HEMK2: variants seen among roughly 807,000 people sequenced by gnomAD.
The protein encoded by HEMK2 is HemK methyltransferase 2, ETF1 glutamine and histone H4 lysine.
chr21:28,797,704 T>G, the HEMK2 span, among the ~76,000 whole-genome samples: 1 of 152,110 alleles, frequency 6.6e-6, no homozygotes, highest in East Asian at 1.9e-4. Context: ...TGACAGCTAT[T>G]AGGCTGAAAT....
chr21:28,864,953 A>C, the HEMK2 span, among the ~76,000 whole-genome samples: 23 of 135,400 alleles, frequency 1.7e-4, no homozygotes, highest in African/African-American at 7.2e-4. Context: ...ATCTATAGAT[A>C]CAGGTATTCA....
the HEMK2 span, among the ~76,000 whole-genome samples, chr21:28,674,077 C>A: frequency 1.3e-5 from 2 of 152,146 alleles, no homozygotes; most frequent in Admixed American, 1.3e-4. Flanking sequence ...ATAAAACACG[C>A]TGCAGTAAAG....
chr21:28,807,442 G>A, the HEMK2 span, among the ~76,000 whole-genome samples: 12,432 of 152,204 alleles, frequency 0.082, 1,169 homozygotes, highest in African/African-American at 0.22. Context: ...ATCAGGGATT[G>A]CCCTCAGAAT....
the HEMK2 span, among the ~76,000 whole-genome samples, chr21:28,743,512 A>C: frequency 5.9e-5 from 9 of 152,128 alleles, no homozygotes; most frequent in Non-Finnish European, 1.2e-4. Context: ...CCTAAACTTA[A>C]CAGAACACAG....
the HEMK2 span, among the ~76,000 whole-genome samples, chr21:28,802,782 G>C: frequency 3.8e-4 from 58 of 152,144 alleles, no homozygotes; most frequent in African/African-American, 1.3e-3. Context: ...TTCTTGTCAA[G>C]CTTTTAATAA....
the HEMK2 span, among the ~76,000 whole-genome samples, chr21:28,638,109 C>A: frequency 2.0e-5 from 3 of 152,108 alleles, no homozygotes; most frequent in Non-Finnish European, 2.9e-5. Flanking sequence ...GGGAACACAA[C>A]GAAAACAAGA....
chr21:28,806,583 T>C, the HEMK2 span, among the ~76,000 whole-genome samples: 2 of 152,134 alleles, frequency 1.3e-5, no homozygotes, highest in African/African-American at 2.4e-5. Flanking sequence ...AAAGGAGGTA[T>C]TGGGCAGTCC....
chr21:28,661,244 G>A, the HEMK2 span, among the ~76,000 whole-genome samples: 4 of 151,704 alleles, frequency 2.6e-5, no homozygotes, highest in Non-Finnish European at 5.9e-5. Flanking sequence ...TGCCATCTTC[G>A]TATTTCACTT....
At chr21:28,852,603 T>C in the HEMK2 span, among the ~76,000 whole-genome samples, 1 of 152,178 alleles carries the variant, frequency 6.6e-6, no homozygotes, top group Non-Finnish European at 1.5e-5. Flanking sequence ...ATTAACAGCA[T>C]AAATTGTCAG....
the HEMK2 span, among the ~76,000 whole-genome samples, chr21:28,638,892 C>A: frequency 6.6e-6 from 1 of 152,320 alleles, no homozygotes; most frequent in East Asian, 1.9e-4. Context: ...CTATTTGAGG[C>A]CCAAGCTCAC....
the HEMK2 span, among the ~76,000 whole-genome samples, chr21:28,866,175 A>AAAAAAAAAAAAAAAAACAC: frequency 1.3e-5 from 1 of 76,248 alleles, no homozygotes; most frequent in African/African-American, 5.1e-5. Context: ...CAAAAAAAAA[A>AAAAAAAAAAAAAAAAACAC]ACACACACAC....
chr21:28,864,860 TA>T, the HEMK2 span, among the ~76,000 whole-genome samples: 34 of 112,172 alleles, frequency 3.0e-4, no homozygotes, highest in African/African-American at 1.1e-3. Flanking sequence ...GATAGATAGA[TA>T]GATAGATGGA....
chr21:28,633,118 G>A, the HEMK2 span, among the ~76,000 whole-genome samples: 1 of 152,166 alleles, frequency 6.6e-6, no homozygotes, highest in Non-Finnish European at 1.5e-5. Flanking sequence ...AGATTATGGG[G>A]ACTGACATCA....
the HEMK2 span, among the ~76,000 whole-genome samples, chr21:28,667,735 C>T: frequency 6.6e-6 from 1 of 152,096 alleles, no homozygotes. Context: ...ACAGAGGGGT[C>T]AAGGAAACAA....
the HEMK2 span, chr21:28,670,832 T>C: frequency 1.3e-5 from 2 of 152,246 alleles, no homozygotes; most frequent in African/African-American, 4.8e-5. Context: ...GTCGAATGCT[T>C]ATAAAACTGT....
chr21:28,832,748 T>C, the HEMK2 span, among the ~76,000 whole-genome samples: 100 of 152,348 alleles, frequency 6.6e-4, no homozygotes, highest in Non-Finnish European at 1.1e-3. Flanking sequence ...AACATACAAG[T>C]GTTGCCCTAC....
At chr21:28,859,250 T>C in the HEMK2 span, among the ~76,000 whole-genome samples, 22 of 152,186 alleles carry the variant, frequency 1.4e-4, no homozygotes, top group African/African-American at 5.3e-4. Context: ...CTTAGATAAA[T>C]TGTTTTTTAG....
chr21:28,694,021 T>G, the HEMK2 span, among the ~76,000 whole-genome samples: 2 of 152,204 alleles, frequency 1.3e-5, no homozygotes, highest in Non-Finnish European at 2.9e-5. Flanking sequence ...AAACAAAGCA[T>G]TAAATGATTA....
the HEMK2 span, among the ~76,000 whole-genome samples, chr21:28,596,644 T>C: frequency 1.3e-5 from 2 of 152,220 alleles, no homozygotes. Flanking sequence ...ATTTTTCTTT[T>C]GAGAAAACTA....
Sources: allele counts gnomAD v4.1 joint callset (sites outside exome capture counted in the v4.1 genomes callset), GRCh38; gene constraint gnomAD v4.1.1; transcripts MANE v1.5; gene names NCBI Gene and HGNC (gene_info 2026-07-23, HGNC 2026-07-21).